Variants in SLC5A10 observed in about 807,000 individuals in gnomAD.
SLC5A10 encodes sodium/mannose cotransporter SLC5A10.
Under a neutral mutation model 68.9 loss-of-function variants are expected in SLC5A10, and 55 were observed. That is an observed-to-expected ratio of 0.80 (90% confidence interval 0.64 to 1.00). SLC5A10 has a LOEUF of 1.00. SLC5A10 is among the 50% of genes least tolerant of loss of function. The pLI, the probability that SLC5A10 is intolerant of heterozygous loss-of-function variation, is 0.00. For missense variants in SLC5A10, 732 were observed against 819.3 expected (o/e 0.89, Z 1.30); for synonymous variants, 344 against 344.8 (o/e 1.00, Z 0.02).
intron 9 of SLC5A10, among the ~76,000 whole-genome samples, chr17:19,012,058 C>T (rs2044026070): frequency 6.6e-6 from 1 of 152,122 alleles, no homozygotes; most frequent in African/African-American, 2.4e-5. Flanking sequence ...TTTCTGAACT[C>T]CCCCGTAATC....
chr17:18,979,569 C>A, intron 9 of SLC5A10: 1 of 1,613,452 alleles, frequency 6.2e-7, no homozygotes, highest in South Asian at 1.1e-5. Flanking sequence ...CGCACACAGC[C>A]CGGTCTCCAT....
At chr17:18,987,876 A>G (rs2043310112) in intron 9 of SLC5A10, among the ~76,000 whole-genome samples, 1 of 152,214 alleles carries the variant, frequency 6.6e-6, no homozygotes, top group South Asian at 2.1e-4. Context: ...CTCTCCAGAA[A>G]GGCCACGAGC....
At chr17:18,959,098 A>G in intron 2 of SLC5A10, 37 bp from the exon 3 acceptor site, 1 of 1,588,764 alleles carries the variant, frequency 6.3e-7, no homozygotes, top group Non-Finnish European at 8.6e-7. Flanking sequence ...CGGCGCAGGG[A>G]GCCTGCTGCT....
chr17:19,005,514 A>G (rs1291666227), intron 9 of SLC5A10, among the ~76,000 whole-genome samples: 1 of 152,138 alleles, frequency 6.6e-6, no homozygotes, highest in Non-Finnish European at 1.5e-5. Flanking sequence ...TGCCGCAGCC[A>G]GTCTGCCCGG....
Position 19,003,771 on chromosome 17 carries a change from C to T in SLC5A10, c.983-9639C>T, listed in dbSNP as rs945914098. The T allele has an allele frequency of 3.7e-6, 6 of 1,609,922 alleles. No homozygotes were observed. The highest frequency in any genetic ancestry group is 1.3e-5 in the African/African-American group (1 of 74,680). On this transcript the variant is annotated intron_variant, in intron 9 of 14. Transcript: ENST00000395645. This position sits in a 1 kb window ranked among gnomAD's most constrained non-coding sequence, Gnocchi z 4.5. ...TCGCCGTCGCCGACCCCATTGTCCT[C>T]GGGCCCCTGAGAGGGGCCCGTGCCC...
intron 1 of SLC5A10, 79 bp downstream of exon 1, chr17:18,952,395 C>A (rs542237738): frequency 2.0e-6 from 3 of 1,503,772 alleles, no homozygotes; most frequent in Non-Finnish European, 9.0e-7. Context: ...TCCAGCATGT[C>A]CCTGTGGTGT....
intron 9 of SLC5A10, among the ~76,000 whole-genome samples, chr17:19,008,815 T>TA (rs112815870): frequency 0.01 from 1,503 of 143,204 alleles, 16 homozygotes; most frequent in African/African-American, 0.029. Flanking sequence ...TTATTATTAT[T>TA]TTTTTTTTTT....
At chr17:18,961,003 CA>C (rs2042603676) in intron 5 of SLC5A10, among the ~76,000 whole-genome samples, 1 of 152,168 alleles carries the variant, frequency 6.6e-6, no homozygotes, top group Non-Finnish European at 1.5e-5. Flanking sequence ...TAGGGGGCGC[CA>C]AAAGCCCACG....
At chr17:18,974,115 A>G (rs1467773469) in intron 8 of SLC5A10, among the ~76,000 whole-genome samples, 1 of 151,598 alleles carries the variant, frequency 6.6e-6, no homozygotes, top group Non-Finnish European at 1.5e-5. Context: ...CTGGTCTCGA[A>G]CTCCTGACCT....
chr17:19,021,894 C>T lies in SLC5A10; in HGVS notation c.*1463C>T, dbSNP rs1428949721. The T allele has an allele frequency of 7.1e-7, 1 of 1,417,368 alleles. No homozygotes were observed. Among genetic ancestry groups the T allele is most frequent in the Non-Finnish European group, 9.2e-7 (1 of 1,082,474 alleles). 87.8% of individuals were successfully genotyped at this position (1,417,368 alleles called of 1,614,324 possible). Reference sequence around the variant, plus strand: ...GTGACTCTGACAGAGCTGGGGGTGTCCATGTCCTCTCTGGACCTCAGTTCC... The same window carrying T: ...GTGACTCTGACAGAGCTGGGGGTGTTCATGTCCTCTCTGGACCTCAGTTCC... On this transcript the variant is annotated 3_prime_UTR_variant, in exon 15 of 15. Transcript: ENST00000395645. The surrounding 1 kb of genome is among the most constrained non-coding windows in gnomAD (Gnocchi z 4.1).
At chr17:18,977,888 T>C (rs965059488) in intron 9 of SLC5A10, 15 of 1,611,018 alleles carry the variant, frequency 9.3e-6, no homozygotes, top group Non-Finnish European at 1.2e-5. Flanking sequence ...GTGGCTGTCC[T>C]GGTCACTGAG....
At chr17:18,965,539 C>T (rs543295459) in intron 5 of SLC5A10, among the ~76,000 whole-genome samples, 11 of 152,340 alleles carry the variant, frequency 7.2e-5, no homozygotes, top group Admixed American at 2.6e-4. Context: ...GCCTCAGACA[C>T]GCCCTGGAGT....
chr17:19,003,326 C>G lies in SLC5A10; in HGVS notation c.983-10084C>G, dbSNP rs1295744834. On this transcript the variant is annotated intron_variant, in intron 9 of 14. Transcript: ENST00000395645. This position sits in a 1 kb window ranked among gnomAD's most constrained non-coding sequence, Gnocchi z 4.5. ...CTGTCACCTGCTAGGACCTGGGAACCCTACCCTGCAAAGAAACTGCGGATC... is the reference window on the plus strand; with the variant it reads ...CTGTCACCTGCTAGGACCTGGGAACGCTACCCTGCAAAGAAACTGCGGATC... 6.6e-6 allele frequency among the ~76,000 whole-genome samples: 1 copy of G among 151,996 alleles called. No individual in the cohort carries two copies. Among genetic ancestry groups the G allele is most frequent in the South Asian group, 2.1e-4 (1 of 4,802 alleles).
intron 5 of SLC5A10, among the ~76,000 whole-genome samples, chr17:18,966,759 AAAAAAAAC>A (rs2042717038): frequency 6.6e-6 from 1 of 151,066 alleles, no homozygotes; most frequent in Non-Finnish European, 1.5e-5. Flanking sequence ...CAAAAAAAAA[AAAAAAAAC>A]AACACTCTGC....
intron 3 of SLC5A10, 70 bp downstream of exon 3, chr17:18,959,309 G>T: frequency 6.7e-7 from 1 of 1,500,058 alleles, no homozygotes; most frequent in Non-Finnish European, 9.2e-7. Flanking sequence ...ACTGGAGGGG[G>T]ACAGCTCCCA....
Position 18,978,656 on chromosome 17 carries a change from G to A in SLC5A10, c.982+1667G>A, listed in dbSNP as rs199992271. 5.6e-4 allele frequency: 909 copies of A among 1,612,992 alleles called. 1 individual carries two copies. The highest frequency in any genetic ancestry group is 7.0e-4 in the Non-Finnish European group (831 of 1,179,988). On this transcript the variant is annotated intron_variant, in intron 9 of 14. Transcript: ENST00000395645. ...GACGAGCTTCTTGGCCACAGTGCCC[G>A]CGGGCACCAGGGGGACCACAGAGGG... is the stretch of plus-strand genomic sequence containing the variant.
At chr17:18,980,377 A>T (rs1481749400) in intron 9 of SLC5A10, among the ~76,000 whole-genome samples, 1 of 152,118 alleles carries the variant, frequency 6.6e-6, no homozygotes, top group Non-Finnish European at 1.5e-5. Context: ...GCAGGCCAGG[A>T]AGGCCCTCAG....
intron 11 of SLC5A10, chr17:19,019,006 G>A (rs2044199079): frequency 5.4e-6 from 1 of 185,338 alleles, no homozygotes; most frequent in Non-Finnish European, 1.1e-5. Flanking sequence ...ATGAACTAAA[G>A]AGATGAGGCT....
In SLC5A10 at chr17:19,017,430, G is replaced by A; in HGVS notation, c.1242-1993G>A. ...TGGCCTGACAACAGTCTCTGTCAGG[G>A]AGAGGCGAGGCTTACAGAGAGAAGA... On this transcript the variant is annotated intron_variant, in intron 11 of 14. Coordinates refer to ENST00000395645, the MANE Select transcript of SLC5A10 (RefSeq NM_001042450.4). This position sits in a 1 kb window ranked among gnomAD's most constrained non-coding sequence, Gnocchi z 5.6. 2.0e-6 allele frequency: 3 copies of A among 1,533,520 alleles called. No homozygotes were observed. Among genetic ancestry groups the A allele is most frequent in the South Asian group, 1.2e-5 (1 of 83,648 alleles). The allele number at this position is 1,533,520 out of a possible 1,614,324, so 95.0% of individuals were successfully genotyped here.
Sources: allele counts gnomAD v4.1 joint callset (sites outside exome capture counted in the v4.1 genomes callset), GRCh38; gene constraint gnomAD v4.1.1; non-coding constraint Gnocchi (gnomAD v3.1); transcripts MANE v1.5; gene names NCBI Gene and HGNC (gene_info 2026-07-23, HGNC 2026-07-21).